HLA-DPB1: variants seen among roughly 807,000 people sequenced by gnomAD.
HLA-DPB1 encodes the protein major histocompatibility complex, class II, DP beta 1.
HLA-DPB1 carries 30 observed loss-of-function variants against 29.4 expected under a neutral mutation model. The observed-to-expected ratio is 1.02, with a 90% confidence interval of 0.76 to 1.38. The LOEUF is 1.38. Ranked by LOEUF, HLA-DPB1 falls within the 40% of genes most tolerant of loss-of-function variation. HLA-DPB1 has a pLI of 0.00. For synonymous variants in HLA-DPB1, 114 were observed against 134.0 expected (o/e 0.85, Z 1.03); for missense variants, 261 against 327.5 (o/e 0.80, Z 1.57).
Position 33,080,671 on chromosome 6 carries a change from G to A in HLA-DPB1, c.101-1G>A. 1 of 1,612,536 alleles carries A rather than the reference G, an allele frequency of 6.2e-7. No individual in the cohort carries two copies. The highest frequency in any genetic ancestry group is 8.5e-7 in the Non-Finnish European group (1 of 1,179,328). ...CGCTCATGTCCGCCCCCTCCCCGCA[G>A]AGAATTACCTTTTCCAGGGACGGCA... On this transcript the variant is annotated splice_acceptor_variant, in intron 1 of 5. Coordinates refer to ENST00000418931, the MANE Select transcript of HLA-DPB1 (RefSeq NM_002121.6). LOFTEE classifies it high-confidence loss of function. The surrounding 1 kb of genome is among the most constrained non-coding windows in gnomAD (Gnocchi z 4.3).
intron 1 of HLA-DPB1, among the ~76,000 whole-genome samples, chr6:33,078,454 T>G (rs924673239): frequency 1.3e-5 from 2 of 152,004 alleles, no homozygotes; most frequent in Non-Finnish European, 2.9e-5. Flanking sequence ...GGCTATAGCT[T>G]AAAGAGGCTG....
rs1033497505 is a variant in HLA-DPB1, at chr6:33,087,418, TTC to T, written c.*886_*887del. ...TTTTCAAACACTGGTCTTTTTTTTT[TTC>T]TTAACAATCCAACATTGTTATGTGT... On this transcript the variant is annotated 3_prime_UTR_variant, in exon 6 of 6. Coordinates refer to ENST00000418931, the MANE Select transcript of HLA-DPB1 (RefSeq NM_002121.6). Among the ~76,000 whole-genome samples the T allele has an allele frequency of 1.4e-4, 20 of 144,538 alleles. No homozygotes were observed. Among genetic ancestry groups the T allele is most frequent in the East Asian group, 2.8e-4 (1 of 3,546 alleles). 94.8% of individuals were successfully genotyped at this position (144,538 alleles called of 152,430 possible). A position where few individuals can be genotyped will look rare whatever the true frequency, so the allele number is the denominator to read the frequency against.
intron 1 of HLA-DPB1, among the ~76,000 whole-genome samples, chr6:33,077,610 C>A (rs1762610723): frequency 6.6e-6 from 1 of 152,284 alleles, no homozygotes; most frequent in South Asian, 2.1e-4. Flanking sequence ...GTTGGTGGGA[C>A]TGTAAACTAG....
At chr6:33,079,810 A>G (rs1472859402) in intron 1 of HLA-DPB1, 2 of 459,106 alleles carry the variant, frequency 4.4e-6, no homozygotes, top group Non-Finnish European at 8.5e-6. Context: ...CCAGCCGGCC[A>G]TCAGAGTCAC....
At position 33,086,224 on chromosome 6, in the gene HLA-DPB1, C is replaced by T. The variant is rs780867126; in HGVS notation, c.763C>T (p.Arg255Ter). Residue 255 changes from arginine to a stop codon, truncating the protein, a stop_gained, in exon 5 of 6, where the codon CGA (arginine) becomes TGA (stop). Coordinates refer to ENST00000418931, the MANE Select transcript of HLA-DPB1 (RefSeq NM_002121.6). LOFTEE classifies it high-confidence loss of function. The part of the protein sequence containing the change: ...FMHRRSKKVQ[R>*]GSA ...CCTTTCGTCTTTCATTTCAGTTCAACGAGGATCTGCATAAACAGGTAATAT... is the reference window on the plus strand; with the variant it reads ...CCTTTCGTCTTTCATTTCAGTTCAATGAGGATCTGCATAAACAGGTAATAT... 4.4e-6 allele frequency: 7 copies of T among 1,581,604 alleles called. No homozygotes were observed. The highest frequency in any genetic ancestry group is 1.4e-5 in the African/African-American group (1 of 72,424).
chr6:33,085,952 G>T (rs775515340), intron 4 of HLA-DPB1, 63 bp downstream of exon 4: 3 of 1,086,968 alleles, frequency 2.8e-6, no homozygotes, highest in African/African-American at 3.2e-5. Context: ...CTTATTCCAC[G>T]ATGAGGGGTT....
chr6:33,089,663 C>T lies in HLA-DPB1; in HGVS notation c.*3129C>T, dbSNP rs3097650. Among the ~76,000 whole-genome samples, 57,096 of 152,044 alleles carry T rather than the reference C, an allele frequency of 0.38. 12,186 individuals carry two copies. The highest frequency in any genetic ancestry group is 0.63 in the East Asian group (3,252 of 5,186). On this transcript the variant is annotated 3_prime_UTR_variant, in exon 6 of 6. Transcript: ENST00000418931. Reference sequence around the variant, plus strand: ...AGGTGGAAAACATTTAAGAAGTACACACTAAATAAATAATAAAATACTTCT... The same window carrying T: ...AGGTGGAAAACATTTAAGAAGTACATACTAAATAAATAATAAAATACTTCT...
At chr6:33,081,525 C>A (rs774510215) in intron 2 of HLA-DPB1, among the ~76,000 whole-genome samples, 1 of 152,060 alleles carries the variant, frequency 6.6e-6, no homozygotes, top group Non-Finnish European at 1.5e-5. Flanking sequence ...TGAGGAGAGG[C>A]CCGCAGAGAA....
rs1762517659 is a variant in HLA-DPB1 at position 33,076,049 on chromosome 6, T to C, written c.8T>C (p.Val3Ala). The stretch of plus-strand genomic sequence containing the variant: ...CCATCCTTTTCCAGCTCCATGATGG[T>C]TCTGCAGGTTTCTGCGGCCCCCCGG... MM[V>A]LQVSAAPRTV... Residue 3 changes from valine to alanine, a missense_variant, in exon 1 of 6, where the codon GTT becomes GCT. By Grantham distance (64) the Val-to-Ala change is moderately conservative. Coordinates refer to ENST00000418931, the MANE Select transcript of HLA-DPB1 (RefSeq NM_002121.6). 3 of 1,611,712 alleles carry C rather than the reference T, an allele frequency of 1.9e-6. No individual in the cohort carries two copies. The East Asian group carries it at 6.7e-5, about 36-fold the overall frequency.
chr6:33,086,791 A>T lies in HLA-DPB1; in HGVS notation c.*257A>T. 2.9e-6 allele frequency: 1 copy of T among 340,370 alleles called. No homozygotes were observed. The highest frequency in any genetic ancestry group is 2.5e-5 in the South Asian group (1 of 39,864). The allele number at this position is 340,370 out of a possible 1,614,324, so 21.1% of individuals were successfully genotyped here. A position where few individuals can be genotyped will look rare whatever the true frequency, so the allele number is the denominator to read the frequency against. ...CCAACATGACTGTTTGTTTTCCTTT[A>T]AAAATATGCACCAAATCATCTCTCA... On this transcript the variant is annotated 3_prime_UTR_variant, in exon 6 of 6. Transcript: ENST00000418931.
At chr6:33,086,134 G>A in intron 4 of HLA-DPB1, 85 bp from the exon 5 acceptor site, 1 of 1,228,146 alleles carries the variant, frequency 8.1e-7, no homozygotes. Context: ...GATGGGCAAT[G>A]GAATTTGGTG....
chr6:33,080,444 T>A lies in HLA-DPB1; in HGVS notation c.101-228T>A. The A allele has an allele frequency of 1.4e-6, 1 of 715,842 alleles. No homozygotes were observed. Among genetic ancestry groups the A allele is most frequent in the Non-Finnish European group, 2.5e-6 (1 of 392,158 alleles). The allele number at this position is 715,842 out of a possible 1,614,324, so 44.3% of individuals were successfully genotyped here. On this transcript the variant is annotated intron_variant, in intron 1 of 5. Transcript: ENST00000418931. This position sits in a 1 kb window ranked among gnomAD's most constrained non-coding sequence, Gnocchi z 4.3. Reference sequence around the variant, plus strand: ...CTCCCTAGTGATCACTCAGTGCCCCTGAGCTCATTCTTTTCAGTAAATTCT... The same window carrying A: ...CTCCCTAGTGATCACTCAGTGCCCCAGAGCTCATTCTTTTCAGTAAATTCT...
At chr6:33,081,669 G>A (rs1395646845) in intron 2 of HLA-DPB1, among the ~76,000 whole-genome samples, 1 of 152,124 alleles carries the variant, frequency 6.6e-6, no homozygotes, top group Non-Finnish European at 1.5e-5. Context: ...CAGGTTGGCC[G>A]CAGCGGCAGG....
At chr6:33,076,272 A>G (rs1481178017) in intron 1 of HLA-DPB1, 131 bp downstream of exon 1, 1 of 638,120 alleles carries the variant, frequency 1.6e-6, no homozygotes, top group African/African-American at 1.8e-5. Flanking sequence ...CTCTCTTCCC[A>G]GCTAGAGAAA....
chr6:33,076,540 C>G (rs1032741681), intron 1 of HLA-DPB1, among the ~76,000 whole-genome samples: 3 of 152,190 alleles, frequency 2.0e-5, no homozygotes, highest in Non-Finnish European at 2.9e-5. Context: ...TGTCCAGGCT[C>G]TGAGGATCAC....
Position 33,084,814 on chromosome 6 carries a change from TGAAA to T in HLA-DPB1, c.365-125_365-122del, listed in dbSNP as rs1363182193. The T allele has an allele frequency of 3.0e-5, 11 of 361,168 alleles. 1 individual carries two copies. The highest frequency in any genetic ancestry group is 7.8e-5 in the South Asian group (2 of 25,558). 22.4% of individuals were successfully genotyped at this position (361,168 alleles called of 1,614,324 possible). A position where few individuals can be genotyped will look rare whatever the true frequency, so the allele number is the denominator to read the frequency against. ...ACTCCATCTCAACAAAAAGAAAGAA[TGAAA>T]GAAAGAAAGAGCGAGATTATGTCTC... On this transcript the variant is annotated intron_variant, in intron 2 of 5. Transcript: ENST00000418931.
Position 33,084,931 on chromosome 6 carries a change from T to C in HLA-DPB1, c.365-19T>C. On this transcript the variant is annotated intron_variant, in intron 2 of 5. Coordinates refer to ENST00000418931, the MANE Select transcript of HLA-DPB1 (RefSeq NM_002121.6). ...ACAATCTCAAATTCTATTTCATTATTTTTCTTCCACGCTCCTAGTCCAGCC... is the reference window on the plus strand; with the variant it reads ...ACAATCTCAAATTCTATTTCATTATCTTTCTTCCACGCTCCTAGTCCAGCC... 1 of 1,460,080 alleles carries C rather than the reference T, an allele frequency of 6.8e-7. No individual in the cohort carries two copies. Among genetic ancestry groups the C allele is most frequent in the Non-Finnish European group, 9.4e-7 (1 of 1,068,474 alleles). 90.4% of individuals were successfully genotyped at this position (1,460,080 alleles called of 1,614,324 possible). A position where few individuals can be genotyped will look rare whatever the true frequency, so the allele number is the denominator to read the frequency against.
chr6:33,086,423 G>T, intron 5 of HLA-DPB1, 116 bp from the exon 6 acceptor site: 1 of 726,176 alleles, frequency 1.4e-6, no homozygotes. Flanking sequence ...GAAGGAAGCA[G>T]AGATCAACTC....
rs1763256376 is a variant in HLA-DPB1, at chr6:33,089,465, AG to A, written c.*2932del. ...ATCGTACTCAGGAAGTCAGGCTGAC[AG>A]TCTTTCTCCTGCACATCTGCTCCCA... On this transcript the variant is annotated 3_prime_UTR_variant, in exon 6 of 6. Coordinates refer to ENST00000418931, the MANE Select transcript of HLA-DPB1 (RefSeq NM_002121.6). Among the ~76,000 whole-genome samples the A allele has an allele frequency of 6.6e-6, 1 of 152,188 alleles. No homozygotes were observed. Among genetic ancestry groups the A allele is most frequent in the Non-Finnish European group, 1.5e-5 (1 of 68,024 alleles).
Sources: gnomAD v4.1 joint callset for allele counts (sites outside exome capture counted in the v4.1 genomes callset) on GRCh38, gnomAD v4.1.1 for gene constraint, Gnocchi (gnomAD v3.1) non-coding constraint, MANE v1.5 for transcripts, NCBI Gene and HGNC (gene_info 2026-07-23, HGNC 2026-07-21) for gene names.